The following FAM110B variants were observed in gnomAD, a reference collection of about 807,000 sequenced individuals.
The protein encoded by FAM110B is family with sequence similarity 110 member B, also known as protein FAM110B.
A neutral mutation model predicts 20.4 loss-of-function variants in FAM110B; 6 were observed. That is an observed-to-expected ratio of 0.29 (90% confidence interval 0.16 to 0.58). FAM110B has a LOEUF of 0.58. Ranked by LOEUF, FAM110B falls within the 20% of genes least tolerant of loss-of-function variation. The pLI is 0.90. For missense variants in FAM110B, 434 were observed against 498.2 expected (o/e 0.87, Z 1.23); for synonymous variants, 226 against 214.1 (o/e 1.06, Z -0.49).
intron 1 of FAM110B, among the ~76,000 whole-genome samples, chr8:58,018,074 G>GA (rs1297344825): frequency 1.3e-5 from 2 of 152,072 alleles, no homozygotes; most frequent in Non-Finnish European, 2.9e-5. Context: ...TATAGAATGT[G>GA]AAAAAATGTG....
intron 1 of FAM110B, among the ~76,000 whole-genome samples, chr8:58,029,180 C>G (rs1277930764): frequency 6.6e-6 from 1 of 152,210 alleles, no homozygotes; most frequent in Non-Finnish European, 1.5e-5. Context: ...AATACTAAAT[C>G]ATTTTGAAAT....
At chr8:58,080,521 G>A (rs1806162880) in intron 3 of FAM110B, among the ~76,000 whole-genome samples, 1 of 152,114 alleles carries the variant, frequency 6.6e-6, no homozygotes, top group Admixed American at 6.5e-5. Flanking sequence ...TAAATCATGT[G>A]CTACCATCTC....
chr8:58,056,228 T>C (rs968916074), intron 2 of FAM110B, among the ~76,000 whole-genome samples: 1 of 152,230 alleles, frequency 6.6e-6, no homozygotes, highest in Non-Finnish European at 1.5e-5. Context: ...TTAGTATATA[T>C]AACTTTTTTA....
intron 1 of FAM110B, among the ~76,000 whole-genome samples, chr8:58,001,109 G>T (rs562805769): frequency 4.6e-5 from 7 of 152,162 alleles, no homozygotes; most frequent in Non-Finnish European, 8.8e-5. Context: ...TTTTTGCGGG[G>T]ATAGACTGCC....
In FAM110B at chr8:58,057,194, C is replaced by T. The variant is rs530651100; in HGVS notation, c.-413-18341C>T. Among the ~76,000 whole-genome samples the T allele has an allele frequency of 3.0e-4, 45 of 152,310 alleles. 1 individual carries two copies. The East Asian group carries it at 8.3e-3, about 28-fold the overall frequency. On this transcript the variant is annotated intron_variant, in intron 2 of 3. Transcript: ENST00000519262. ...GCTCTGCTCCTCTTTGCTGATCCTG[C>T]ACTTGGTCACTACCCTCCTTGGTGA...
intron 1 of FAM110B, among the ~76,000 whole-genome samples, chr8:58,018,559 C>A (rs1328281944): frequency 6.6e-6 from 1 of 152,070 alleles, no homozygotes; most frequent in Non-Finnish European, 1.5e-5. Flanking sequence ...TCAGTCTTGA[C>A]AAACTTTCCC....
At position 58,087,371 on chromosome 8, in the gene FAM110B, G is replaced by A. The variant is rs1806363143; in HGVS notation, c.-325+11748G>A. ...TAAGGCTTCTGTTAGAGCAGCAGCT[G>A]TAGCAATTTGCTTTTTGAATAGGCA... On this transcript the variant is annotated intron_variant, in intron 3 of 3. Coordinates refer to ENST00000519262, the MANE Select transcript of FAM110B (RefSeq NM_001377989.1). Among the ~76,000 whole-genome samples the A allele has an allele frequency of 2.0e-5, 3 of 152,206 alleles. No homozygotes were observed. The South Asian group carries it at 6.2e-4, about 32-fold the overall frequency.
At chr8:57,998,782 A>C (rs988545275) in intron 1 of FAM110B, among the ~76,000 whole-genome samples, 2 of 152,328 alleles carry the variant, frequency 1.3e-5, no homozygotes, top group South Asian at 4.1e-4. Context: ...GATTACAGAT[A>C]ATTAAGATAT....
chr8:58,002,352 A>G (rs1357088305), intron 1 of FAM110B, among the ~76,000 whole-genome samples: 3 of 152,250 alleles, frequency 2.0e-5, no homozygotes, highest in African/African-American at 7.2e-5. Flanking sequence ...GTTGGTTTAA[A>G]TGAGCTGACT....
At chr8:58,065,086 A>G (rs1302342039) in intron 2 of FAM110B, among the ~76,000 whole-genome samples, 1 of 152,260 alleles carries the variant, frequency 6.6e-6, no homozygotes, top group African/African-American at 2.4e-5. Context: ...TAGTGTTGAA[A>G]CATAATTATG....
intron 1 of FAM110B, among the ~76,000 whole-genome samples, chr8:58,019,317 A>G (rs1000099271): frequency 2.5e-5 from 3 of 119,496 alleles, no homozygotes; most frequent in Non-Finnish European, 4.9e-5. Flanking sequence ...CAGCCTGGCG[A>G]CAGAGTGAGA....
chr8:58,016,369 C>T (rs10089259), intron 1 of FAM110B, among the ~76,000 whole-genome samples: 16,904 of 152,156 alleles, frequency 0.11, 1,490 homozygotes, highest in African/African-American at 0.24. Context: ...TGGCTTGGGC[C>T]TCCCGGGAGG....
At chr8:58,099,629 C>A (rs934050177) in intron 3 of FAM110B, among the ~76,000 whole-genome samples, 1 of 152,144 alleles carries the variant, frequency 6.6e-6, no homozygotes, top group African/African-American at 2.4e-5. Context: ...TTAGTACTCT[C>A]ATATAGCACA....
At chr8:58,046,852 G>C (rs1197626692) in intron 2 of FAM110B, among the ~76,000 whole-genome samples, 2 of 152,300 alleles carry the variant, frequency 1.3e-5, no homozygotes, top group Admixed American at 1.3e-4. Flanking sequence ...CTTTACTGTA[G>C]TGACTATAGT....
At chr8:58,043,101 G>A (rs1034993319) in intron 2 of FAM110B, 3 of 152,220 alleles carry the variant, frequency 2.0e-5, no homozygotes, top group Non-Finnish European at 2.9e-5. Context: ...CAGGCTGCAC[G>A]AGCCTTTGGG....
intron 3 of FAM110B, among the ~76,000 whole-genome samples, chr8:58,093,396 G>A (rs1166635098): frequency 1.3e-5 from 2 of 152,158 alleles, no homozygotes; most frequent in Non-Finnish European, 2.9e-5. Flanking sequence ...TTACATTTAA[G>A]TCTTTAATCC....
intron 3 of FAM110B, among the ~76,000 whole-genome samples, chr8:58,145,489 G>C (rs142527607): frequency 6.6e-6 from 1 of 152,130 alleles, no homozygotes; most frequent in Non-Finnish European, 1.5e-5. Context: ...CAACCGGGGG[G>C]CATGGAAGGG....
At chr8:58,126,252 A>G (rs771331374) in intron 3 of FAM110B, among the ~76,000 whole-genome samples, 1 of 152,174 alleles carries the variant, frequency 6.6e-6, no homozygotes, top group African/African-American at 2.4e-5. Context: ...ATTGCTGAGT[A>G]TCAGCCATTG....
chr8:58,095,773 A>C (rs981448809), intron 3 of FAM110B, among the ~76,000 whole-genome samples: 1 of 152,078 alleles, frequency 6.6e-6, no homozygotes, highest in African/African-American at 2.4e-5. Flanking sequence ...TCCAGAGCTG[A>C]GTTCAAGTCC....
Sources: gnomAD v4.1 joint callset for allele counts (sites outside exome capture counted in the v4.1 genomes callset) on GRCh38, gnomAD v4.1.1 for gene constraint, MANE v1.5 for transcripts, NCBI Gene and HGNC (gene_info 2026-07-23, HGNC 2026-07-21) for gene names.